Variants in PPP4R3B observed in about 807,000 individuals in gnomAD.
PPP4R3B encodes the protein protein phosphatase 4 regulatory subunit 3B, also known as serine/threonine-protein phosphatase 4 regulatory subunit 3B.
In PPP4R3B, 52 loss-of-function variants were observed where a neutral mutation model predicts 95.4. The ratio of observed to expected loss-of-function variants is 0.54; its 90% CI spans 0.44 to 0.69. The LOEUF (loss-of-function observed/expected upper bound fraction) is 0.69, where lower values mean the gene tolerates loss of function less well. Ranked by LOEUF, PPP4R3B falls within the 30% of genes least tolerant of loss-of-function variation. The pLI is 0.00. For missense variants in PPP4R3B, 1,003 were observed against 1,005.9 expected (o/e 1.00, Z 0.04); for synonymous variants, 407 against 343.9 (o/e 1.18, Z -2.03).
rs561809712 is a variant in PPP4R3B, at chr2:55,605,415, G to T, written c.199-1339C>A. On this transcript the variant is annotated intron_variant, in intron 2 of 16. Transcript: ENST00000616407. Reference sequence around the variant, plus strand: ...AAGTGTTGAAAATGGGAACATTTCAGTACTTTTTGGCTTTAAACAGTAAAT... The same window carrying T: ...AAGTGTTGAAAATGGGAACATTTCATTACTTTTTGGCTTTAAACAGTAAAT... Among the ~76,000 whole-genome samples, 9 of 152,230 alleles carry T rather than the reference G, an allele frequency of 5.9e-5. No homozygotes were observed. In the South Asian group the frequency reaches 1.9e-3, roughly 32 times the overall value.
chr2:55,583,330 A>C (rs994607822), intron 7 of PPP4R3B, among the ~76,000 whole-genome samples: 1 of 152,190 alleles, frequency 6.6e-6, no homozygotes, highest in South Asian at 2.1e-4. Context: ...TAGCTCTCAG[A>C]AAATTCAGGA....
chr2:55,566,236 A>C (rs1410717215), intron 13 of PPP4R3B, among the ~76,000 whole-genome samples: 1 of 152,214 alleles, frequency 6.6e-6, no homozygotes. Flanking sequence ...TTGAAAAAAA[A>C]TACGCAAATC....
chr2:55,582,977 G>C (rs1689633870), intron 7 of PPP4R3B, among the ~76,000 whole-genome samples: 4 of 151,896 alleles, frequency 2.6e-5, no homozygotes, highest in Admixed American at 2.6e-4. Context: ...TTTCTGCTTG[G>C]ATAGAAACAA....
At chr2:55,577,201 A>T (rs934499276) in intron 11 of PPP4R3B, 114 bp downstream of exon 11, 6 of 1,298,988 alleles carry the variant, frequency 4.6e-6, no homozygotes, top group Non-Finnish European at 6.1e-6. Flanking sequence ...TTCTTCTTGG[A>T]TTTTGTTTTT....
At position 55,564,307 on chromosome 2, in the gene PPP4R3B, T is replaced by C. The variant is rs1687002779; in HGVS notation, c.2260+6A>G. 2 of 1,607,954 alleles carry C rather than the reference T, an allele frequency of 1.2e-6. No individual in the cohort carries two copies. The highest frequency in any genetic ancestry group is 1.7e-6 in the Non-Finnish European group (2 of 1,178,078). The stretch of plus-strand genomic sequence containing the variant: ...TACACTGTGCAAAAATTCCGAATTT[T>C]AATACCTTTTTTAGTCTCCATAAAC... On this transcript the variant is annotated splice_donor_region_variant and intron_variant, in intron 15 of 16. Transcript: ENST00000616407.
intron 11 of PPP4R3B, among the ~76,000 whole-genome samples, chr2:55,574,597 CTT>C (rs879382361): frequency 1.8e-4 from 26 of 142,942 alleles, no homozygotes; most frequent in East Asian, 4.0e-4. Context: ...CATCAAGATT[CTT>C]TTTTTTTTTT....
chr2:55,575,024 G>T (rs1473902185), intron 11 of PPP4R3B, among the ~76,000 whole-genome samples: 3 of 129,036 alleles, frequency 2.3e-5, no homozygotes. Flanking sequence ...TGCAAGCTCC[G>T]CCTCCCGGGT....
At chr2:55,601,421 C>T (rs1692595242) in intron 3 of PPP4R3B, among the ~76,000 whole-genome samples, 1 of 151,494 alleles carries the variant, frequency 6.6e-6, no homozygotes, top group Admixed American at 6.6e-5. Flanking sequence ...CGCTCTGTAG[C>T]CCAGGCTGGA....
At chr2:55,606,345 A>T (rs1246970956) in intron 2 of PPP4R3B, among the ~76,000 whole-genome samples, 1 of 152,190 alleles carries the variant, frequency 6.6e-6, no homozygotes, top group African/African-American at 2.4e-5. Context: ...TATACACTTA[A>T]GGCATAGTAT....
intron 12 of PPP4R3B, among the ~76,000 whole-genome samples, chr2:55,569,559 G>A (rs1199152887): frequency 6.6e-5 from 10 of 152,186 alleles, no homozygotes; most frequent in Admixed American, 6.5e-4. Context: ...AGAAATAATG[G>A]TGTAAGCTAT....
chr2:55,577,743 T>C (rs1688878976), intron 10 of PPP4R3B, among the ~76,000 whole-genome samples: 1 of 152,092 alleles, frequency 6.6e-6, no homozygotes, highest in African/African-American at 2.4e-5. Context: ...CCATTATACA[T>C]CTAATTTTTA....
rs1231743693 is a variant in PPP4R3B at position 55,617,333 on chromosome 2, C to A, written c.-48G>T. 1.3e-6 allele frequency: 2 copies of A among 1,528,134 alleles called. No homozygotes were observed. The highest frequency in any genetic ancestry group is 2.4e-5 in the East Asian group (1 of 42,438). 94.7% of individuals were successfully genotyped at this position (1,528,134 alleles called of 1,614,324 possible). A position where few individuals can be genotyped will look rare whatever the true frequency, so the allele number is the denominator to read the frequency against. On this transcript the variant is annotated 5_prime_UTR_variant, in exon 1 of 17. Transcript: ENST00000616407. The stretch of plus-strand genomic sequence containing the variant: ...CTAGCCGCCGCCTCCTCGCTTACCT[C>A]GTCCGCGCTCCTCACTCTTAGGAGA...
intron 7 of PPP4R3B, 117 bp from the exon 8 acceptor site, chr2:55,581,815 G>T: frequency 1.9e-6 from 2 of 1,066,812 alleles, no homozygotes; most frequent in Admixed American, 6.2e-5. Flanking sequence ...AACGAAGAAT[G>T]GAATAGCTTA....
At chr2:55,562,418 A>G (rs1006494301) in intron 15 of PPP4R3B, among the ~76,000 whole-genome samples, 4 of 152,156 alleles carry the variant, frequency 2.6e-5, no homozygotes, top group Non-Finnish European at 4.4e-5. Flanking sequence ...AGGAGACTCC[A>G]TCTCAAAAAG....
At chr2:55,607,779 ATG>A (rs1236788706) in intron 2 of PPP4R3B, among the ~76,000 whole-genome samples, 1 of 152,152 alleles carries the variant, frequency 6.6e-6, no homozygotes, top group Non-Finnish European at 1.5e-5. Flanking sequence ...TCTTCTAACC[ATG>A]CCTTGGTCCT....
At chr2:55,591,959 G>A (rs1249480229) in intron 4 of PPP4R3B, among the ~76,000 whole-genome samples, 2 of 151,880 alleles carry the variant, frequency 1.3e-5, no homozygotes, top group African/African-American at 4.8e-5. Flanking sequence ...TTTCTATTTG[G>A]TTTTAACAGC....
intron 2 of PPP4R3B, among the ~76,000 whole-genome samples, chr2:55,609,682 C>G (rs13394625): frequency 1.4e-5 from 2 of 138,276 alleles, no homozygotes; most frequent in Non-Finnish European, 3.1e-5. Context: ...AAAAAAAAAA[C>G]AAAAAAAACA....
chr2:55,564,818 G>GT, intron 14 of PPP4R3B, 84 bp downstream of exon 14: 1 of 1,521,714 alleles, frequency 6.6e-7, no homozygotes, highest in Non-Finnish European at 8.9e-7. Context: ...AAATTCCTCA[G>GT]TAAATTTCAC....
At chr2:55,558,989 T>C in intron 15 of PPP4R3B, 21 bp from the exon 16 acceptor site, 1 of 1,583,098 alleles carries the variant, frequency 6.3e-7, no homozygotes, top group Non-Finnish European at 8.6e-7. Context: ...AGTAAAATTT[T>C]GAACGTATAT....
Sources: allele counts gnomAD v4.1 joint callset (sites outside exome capture counted in the v4.1 genomes callset), GRCh38; gene constraint gnomAD v4.1.1; transcripts MANE v1.5; gene names NCBI Gene and HGNC (gene_info 2026-07-23, HGNC 2026-07-21).